The following ITGB3BP variants were observed in gnomAD, a reference collection of about 807,000 sequenced individuals.
ITGB3BP encodes integrin subunit beta 3 binding protein, also known as centromere protein R.
ITGB3BP carries 27 observed loss-of-function variants against 29.1 expected under a neutral mutation model. The ratio of observed to expected loss-of-function variants is 0.93; its 90% CI spans 0.68 to 1.28. The LOEUF is 1.28. Ranked by LOEUF, ITGB3BP falls within the 50% of genes most tolerant of loss-of-function variation. The pLI, the probability that ITGB3BP is intolerant of heterozygous loss-of-function variation, is 0.00. For synonymous variants in ITGB3BP, 61 were observed against 61.4 expected (o/e 0.99, Z 0.03); for missense variants, 192 against 200.2 (o/e 0.96, Z 0.25).
intron 4 of ITGB3BP, among the ~76,000 whole-genome samples, chr1:63,455,931 TATA>T (rs150318053): frequency 1.3e-5 from 2 of 152,246 alleles, no homozygotes; most frequent in Non-Finnish European, 2.9e-5. Context: ...TATTTCAACA[TATA>T]ATGAATATAA....
At chr1:63,525,625 C>G (rs746216862), upstream of ITGB3BP, 2 of 1,596,504 alleles carry the variant, frequency 1.3e-6, no homozygotes, top group East Asian at 4.5e-5. Flanking sequence ...AAATCAACAC[C>G]TTCAGAGAGT....
chr1:63,482,912 C>G (rs12736896), intron 3 of ITGB3BP, among the ~76,000 whole-genome samples: 114,857 of 152,042 alleles, frequency 0.76, 44,748 homozygotes, highest in Non-Finnish European at 0.85. Context: ...CCTCAGCCCC[C>G]CAAAGTGCTG....
chr1:63,509,246 G>A (rs1386665029), intron 1 of ITGB3BP, among the ~76,000 whole-genome samples: 1 of 152,166 alleles, frequency 6.6e-6, no homozygotes, highest in Non-Finnish European at 1.5e-5. Flanking sequence ...CTTAGAAAGG[G>A]AAGCTGAATA....
At chr1:63,478,857 G>A in intron 3 of ITGB3BP, 24 bp from the exon 4 acceptor site, 1 of 841,624 alleles carries the variant, frequency 1.2e-6, no homozygotes, top group South Asian at 2.2e-5. Context: ...ATAAAGAAAA[G>A]GACATAAAGT....
chr1:63,491,733 A>G (rs1645652005), intron 2 of ITGB3BP, among the ~76,000 whole-genome samples: 1 of 152,218 alleles, frequency 6.6e-6, no homozygotes, highest in African/African-American at 2.4e-5. Flanking sequence ...ATATTGAGAA[A>G]TGAAAGGCAT....
At chr1:63,472,996 C>T (rs1323902661) in intron 4 of ITGB3BP, among the ~76,000 whole-genome samples, 1 of 151,730 alleles carries the variant, frequency 6.6e-6, no homozygotes, top group Non-Finnish European at 1.5e-5. Context: ...TGAGGAGCGT[C>T]TCTGCCCAGC....
intron 8 of ITGB3BP, among the ~76,000 whole-genome samples, chr1:63,441,750 G>C (rs1437891886): frequency 2.0e-5 from 3 of 152,054 alleles, no homozygotes; most frequent in Non-Finnish European, 2.9e-5. Flanking sequence ...GCTGCCCCCC[G>C]CCCAAAAGAC....
intron 1 of ITGB3BP, among the ~76,000 whole-genome samples, chr1:63,519,568 C>T (rs939744354): frequency 2.0e-5 from 3 of 151,976 alleles, no homozygotes; most frequent in Admixed American, 2.0e-4. Context: ...ATATCAAGTA[C>T]TAAAAATTTC....
At chr1:63,489,963 A>C in intron 3 of ITGB3BP, 120 bp downstream of exon 3, 1 of 849,582 alleles carries the variant, frequency 1.2e-6, no homozygotes, top group Non-Finnish European at 1.8e-6. Context: ...AAGGTATTAA[A>C]TTATTTGAGA....
At chr1:63,450,681 C>A (rs539691009) in intron 7 of ITGB3BP, among the ~76,000 whole-genome samples, 29 of 151,946 alleles carry the variant, frequency 1.9e-4, no homozygotes, top group African/African-American at 7.0e-4. Flanking sequence ...GAAAAAGAAC[C>A]TTTCATTTCA....
At chr1:63,494,158 GAC>G (rs889199010) in intron 2 of ITGB3BP, among the ~76,000 whole-genome samples, 4 of 149,232 alleles carry the variant, frequency 2.7e-5, no homozygotes, top group Admixed American at 2.0e-4. Context: ...TTTTTTTTTT[GAC>G]ACAGAGTCTT....
At chr1:63,522,106 T>C (rs1339123162) in intron 1 of ITGB3BP, among the ~76,000 whole-genome samples, 1 of 152,228 alleles carries the variant, frequency 6.6e-6, no homozygotes, top group Non-Finnish European at 1.5e-5. Flanking sequence ...TTGAACACCC[T>C]ATTAGGTGAT....
chr1:63,448,319 T>TA (rs1253524110), intron 7 of ITGB3BP, among the ~76,000 whole-genome samples: 1 of 150,010 alleles, frequency 6.7e-6, no homozygotes, highest in Non-Finnish European at 1.5e-5. Context: ...CCCTAAAACT[T>TA]AAAGTATAAT....
chr1:63,512,825 A>G (rs1570320673), intron 1 of ITGB3BP, among the ~76,000 whole-genome samples: 2 of 152,342 alleles, frequency 1.3e-5, no homozygotes, highest in South Asian at 2.1e-4. Context: ...ATTACTGAGT[A>G]TGCTTGTGAG....
intron 4 of ITGB3BP, among the ~76,000 whole-genome samples, chr1:63,477,235 C>T (rs1263192444): frequency 6.6e-6 from 1 of 152,172 alleles, no homozygotes; most frequent in Non-Finnish European, 1.5e-5. Flanking sequence ...TGGACTACTA[C>T]CAAAACTATA....
intron 4 of ITGB3BP, among the ~76,000 whole-genome samples, chr1:63,476,522 T>C (rs1251036124): frequency 6.6e-6 from 1 of 152,250 alleles, no homozygotes; most frequent in Non-Finnish European, 1.5e-5. Context: ...CAAATTCCTA[T>C]GTGACTCATA....
intron 3 of ITGB3BP, among the ~76,000 whole-genome samples, chr1:63,482,270 CAAAAAAAAAAA>C (rs376500389): frequency 3.4e-5 from 2 of 59,354 alleles, no homozygotes; most frequent in South Asian, 1.2e-3. Flanking sequence ...GACTCCATCT[CAAAAAAAAAAA>C]AAAAAAAAAA....
intron 7 of ITGB3BP, 87 bp from the exon 8 acceptor site, chr1:63,446,943 A>C: frequency 1.0e-6 from 1 of 963,856 alleles, no homozygotes; most frequent in South Asian, 1.4e-5. Flanking sequence ...ATGTTGAAGC[A>C]AAATGAAATT....
chr1:63,508,492 T>A (rs1321888163), intron 2 of ITGB3BP, 36 bp downstream of exon 2: 9 of 1,020,784 alleles, frequency 8.8e-6, no homozygotes, highest in Non-Finnish European at 1.3e-5. Context: ...GAAAACACAA[T>A]CTTATTCAAT....
Sources: gnomAD v4.1 joint callset for allele counts (sites outside exome capture counted in the v4.1 genomes callset) on GRCh38, gnomAD v4.1.1 for gene constraint, MANE v1.5 for transcripts, NCBI Gene and HGNC (gene_info 2026-07-23, HGNC 2026-07-21) for gene names.